RICTOR: variants seen among roughly 807,000 people sequenced by gnomAD.
RICTOR encodes the protein RPTOR independent companion of MTOR complex 2, also known as rapamycin-insensitive companion of mTOR.
RICTOR carries 49 observed loss-of-function variants against 214.9 expected under a neutral mutation model. The ratio of observed to expected loss-of-function variants is 0.23; its 90% confidence interval spans 0.18 to 0.29. RICTOR has a LOEUF of 0.29. RICTOR is among the 10% of genes least tolerant of loss of function. The probability of loss-of-function intolerance (pLI) is 1.00; values close to 1 mark genes in which losing one functional copy is unlikely to be tolerated. For missense variants in RICTOR, 1,625 were observed against 2,047.0 expected (o/e 0.79, Z 3.98); for synonymous variants, 717 against 711.3 (o/e 1.01, Z -0.13).
chr5:38,954,189 A>G (rs548358133), intron 27 of RICTOR, among the ~76,000 whole-genome samples: 1 of 152,078 alleles, frequency 6.6e-6, no homozygotes, highest in South Asian at 2.1e-4. Context: ...AAATATTCCT[A>G]TAACTTTATT....
At chr5:38,945,787 T>C (rs1280785306) in intron 33 of RICTOR, 63 bp from the exon 34 acceptor site, 1 of 812,308 alleles carries the variant, frequency 1.2e-6, no homozygotes, top group Non-Finnish European at 1.9e-6. Flanking sequence ...GTACCTTAAA[T>C]TATGTGAAAT....
Position 38,996,206 on chromosome 5 carries a change from C to T in RICTOR, c.456+613G>A, listed in dbSNP as rs138868927. ...ACACTTGTCTCACTCAGGCTGTGTC[C>T]CAACCATATTTACTCTCAGTTCACT... On this transcript the variant is annotated intron_variant, in intron 6 of 37. Coordinates refer to ENST00000357387, the MANE Select transcript of RICTOR (RefSeq NM_152756.5). 8.5e-5 allele frequency among the ~76,000 whole-genome samples: 13 copies of T among 152,154 alleles called. No homozygotes were observed. In the East Asian group the frequency reaches 2.5e-3, roughly 29 times the overall value.
intron 5 of RICTOR, among the ~76,000 whole-genome samples, chr5:38,999,050 A>C: frequency 6.8e-6 from 1 of 147,142 alleles, no homozygotes; most frequent in African/African-American, 2.6e-5. Flanking sequence ...AAAAAAAAAA[A>C]ACAAACCTAA....
intron 10 of RICTOR, among the ~76,000 whole-genome samples, chr5:38,973,843 C>A (rs1369596442): frequency 1.3e-5 from 2 of 152,102 alleles, no homozygotes; most frequent in Admixed American, 6.6e-5. Context: ...GATCATTTTT[C>A]AATCAGTTAT....
intron 30 of RICTOR, among the ~76,000 whole-genome samples, chr5:38,951,783 T>C (rs866488097): frequency 6.6e-6 from 1 of 151,982 alleles, no homozygotes; most frequent in Non-Finnish European, 1.5e-5. Context: ...AGTGCTTCTC[T>C]CAAAAATGAA....
At chr5:38,990,805 T>TGATAC (rs1752697129) in intron 7 of RICTOR, 144 bp downstream of exon 7, 1 of 126,600 alleles carries the variant, frequency 7.9e-6, no homozygotes, top group Non-Finnish European at 1.3e-5. Context: ...ATATGATATA[T>TGATAC]ATGAGATATA....
rs1347191434 is a variant in RICTOR, at chr5:38,959,768, G to A, written c.2051+11C>T. 3.8e-6 allele frequency: 6 copies of A among 1,588,614 alleles called. No individual in the cohort carries two copies. Among genetic ancestry groups the A allele is most frequent in the Non-Finnish European group, 5.2e-6 (6 of 1,157,176 alleles). On this transcript the variant is annotated intron_variant, in intron 21 of 37. Transcript: ENST00000357387. Reference sequence around the variant, plus strand: ...CATGTATATATTGCAACAAAATCTGGGAATGCTCACCACTGAAATACACTG... The same window carrying A: ...CATGTATATATTGCAACAAAATCTGAGAATGCTCACCACTGAAATACACTG...
At position 38,995,320 on chromosome 5, in the gene RICTOR, A is replaced by T. The variant is rs78193467; in HGVS notation, c.456+1499T>A. On this transcript the variant is annotated intron_variant, in intron 6 of 37. Transcript: ENST00000357387. ...AGTCAAATTAACTCAGAAATGGAAAACCAAATATTGTATGTTCCCTGCTTA... is the reference window on the plus strand; with the variant it reads ...AGTCAAATTAACTCAGAAATGGAAATCCAAATATTGTATGTTCCCTGCTTA... Among the ~76,000 whole-genome samples, 913 of 152,296 alleles carry T rather than the reference A, an allele frequency of 6.0e-3. 14 individuals are homozygous for T. The highest frequency in any genetic ancestry group is 0.019 in the African/African-American group (801 of 41,554).
intron 25 of RICTOR, 79 bp from the exon 26 acceptor site, chr5:38,955,783 AG>A (rs1749209091): frequency 1.2e-6 from 1 of 801,808 alleles, no homozygotes; most frequent in African/African-American, 1.7e-5. Flanking sequence ...TACTTAGCAA[AG>A]GGTAGACAGA....
chr5:38,950,853 C>T (rs1748719119), intron 30 of RICTOR, 133 bp from the exon 31 acceptor site: 2 of 567,492 alleles, frequency 3.5e-6, no homozygotes, highest in Non-Finnish European at 5.9e-6. Flanking sequence ...ACGGTTAAAC[C>T]ATTCAGCTAC....
intron 1 of RICTOR, 85 bp downstream of exon 1, chr5:39,074,244 G>A (rs1759551329): frequency 6.3e-7 from 1 of 1,577,232 alleles, no homozygotes; most frequent in Non-Finnish European, 8.6e-7. Context: ...GCCCCGGCTC[G>A]CTCCCCAACC....
intron 2 of RICTOR, among the ~76,000 whole-genome samples, chr5:39,034,128 T>A (rs1408231040): frequency 6.6e-6 from 1 of 152,226 alleles, no homozygotes; most frequent in Non-Finnish European, 1.5e-5. Context: ...ACAAGTGACA[T>A]CTACCAGGCC....
At chr5:38,970,736 G>A (rs999326462) in intron 11 of RICTOR, 4 of 152,092 alleles carry the variant, frequency 2.6e-5, no homozygotes, top group South Asian at 4.1e-4. Context: ...CTTCAAATTC[G>A]ATTTAACTGT....
intron 5 of RICTOR, among the ~76,000 whole-genome samples, chr5:38,999,043 A>AAAAAAAAAAAAAAAAC (rs1561514547): frequency 7.0e-6 from 1 of 143,030 alleles, no homozygotes; most frequent in Non-Finnish European, 1.5e-5. Context: ...AAAAAAAAAA[A>AAAAAAAAAAAAAAAAC]AAAAAAAACA....
intron 25 of RICTOR, among the ~76,000 whole-genome samples, chr5:38,956,882 GT>G (rs1749307377): frequency 6.6e-6 from 1 of 152,014 alleles, no homozygotes; most frequent in Admixed American, 6.6e-5. Flanking sequence ...ATGCTTGGAA[GT>G]TTTAGTCCAT....
Position 39,001,826 on chromosome 5 carries a change from A to T in RICTOR, c.392+709T>A, listed in dbSNP as rs79291153. Among the ~76,000 whole-genome samples the T allele has an allele frequency of 4.7e-3, 721 of 152,250 alleles. 11 individuals carry two copies. The highest frequency in any genetic ancestry group is 0.017 in the African/African-American group (695 of 41,572). ...ACAATGAGACCCCACACAAGAAAGG[A>T]TATAACTAAAAACTGAAAATAGCAA... On this transcript the variant is annotated intron_variant, in intron 5 of 37. Coordinates refer to ENST00000357387, the MANE Select transcript of RICTOR (RefSeq NM_152756.5).
chr5:38,976,367 C>G (rs137944544), intron 9 of RICTOR, among the ~76,000 whole-genome samples: 3 of 151,418 alleles, frequency 2.0e-5, no homozygotes, highest in African/African-American at 7.3e-5. Context: ...ACAAAAAAAT[C>G]ACAGAACTGG....
At chr5:39,020,348 G>A (rs746150603) in intron 3 of RICTOR, among the ~76,000 whole-genome samples, 9 of 152,034 alleles carry the variant, frequency 5.9e-5, no homozygotes, top group Admixed American at 1.3e-4. Context: ...GAGTCAATGC[G>A]GCAAACTTCA....
chr5:39,039,957 C>T (rs1233485485), intron 2 of RICTOR, among the ~76,000 whole-genome samples: 1 of 151,968 alleles, frequency 6.6e-6, no homozygotes, highest in Non-Finnish European at 1.5e-5. Context: ...CCCAGCCATC[C>T]CATTACTGGG....
Sources: gnomAD v4.1 joint callset for allele counts (sites outside exome capture counted in the v4.1 genomes callset) on GRCh38, gnomAD v4.1.1 for gene constraint, MANE v1.5 for transcripts, NCBI Gene and HGNC (gene_info 2026-07-23, HGNC 2026-07-21) for gene names.